The following ALLC variants were observed in gnomAD, a reference collection of about 807,000 sequenced individuals.
ALLC encodes probable inactive allantoicase.
Under a neutral mutation model 45.0 loss-of-function variants are expected in ALLC, and 40 were observed. That is an observed-to-expected ratio of 0.89 (90% CI 0.69 to 1.16). The LOEUF (loss-of-function observed/expected upper bound fraction) is 1.16. ALLC is among the 50% of genes most tolerant of loss of function. The pLI is 0.00. For synonymous variants in ALLC, 176 were observed against 178.1 expected, an observed-to-expected ratio of 0.99 and a Z score of 0.09; for missense variants, 488 against 493.1, an observed-to-expected ratio of 0.99 and a Z score of 0.10.
At chr2:3,694,723 G>T (rs1180137568) in intron 7 of ALLC, 1 of 152,116 alleles carries the variant, frequency 6.6e-6, no homozygotes, top group African/African-American at 2.4e-5. Flanking sequence ...GTTGTAAATA[G>T]CAAGACTTCC....
intron 1 of ALLC, among the ~76,000 whole-genome samples, chr2:3,659,222 G>GA: frequency 6.6e-6 from 1 of 152,016 alleles, no homozygotes; most frequent in East Asian, 1.9e-4. Flanking sequence ...TTGTCAGAGG[G>GA]AGGTCTCTCT....
intron 7 of ALLC, among the ~76,000 whole-genome samples, chr2:3,685,477 C>G (rs957492904): frequency 6.7e-6 from 1 of 150,336 alleles, no homozygotes; most frequent in African/African-American, 2.4e-5. Context: ...GACAGACAGA[C>G]AGAGAGAGAC....
chr2:3,691,156 A>G (rs1389908104), intron 7 of ALLC, among the ~76,000 whole-genome samples: 2 of 151,652 alleles, frequency 1.3e-5, no homozygotes, highest in Non-Finnish European at 2.9e-5. Flanking sequence ...TTTGGCCTGT[A>G]TGGTTATCAT....
At chr2:3,662,822 G>T (rs1008824055) in intron 1 of ALLC, among the ~76,000 whole-genome samples, 4 of 152,154 alleles carry the variant, frequency 2.6e-5, no homozygotes, top group African/African-American at 9.7e-5. Context: ...TGGAACACAG[G>T]TGCCTTCATT....
intron 1 of ALLC, among the ~76,000 whole-genome samples, chr2:3,663,672 A>G (rs1220426320): frequency 6.6e-6 from 1 of 152,196 alleles, no homozygotes; most frequent in Non-Finnish European, 1.5e-5. Context: ...ATGGTTTTGC[A>G]GTGTCATTGA....
chr2:3,680,065 C>T lies in ALLC; in HGVS notation c.298+71C>T. 6.3e-7 allele frequency: 1 copy of T among 1,591,496 alleles called. No individual in the cohort carries two copies. ...TGGCTCCTCTGGCCAGCCACAGCCCCACAACTGCTCACTTTCCCTACCACC... is the reference window on the plus strand; with the variant it reads ...TGGCTCCTCTGGCCAGCCACAGCCCTACAACTGCTCACTTTCCCTACCACC... On this transcript the variant is annotated intron_variant, in intron 5 of 11. Coordinates refer to ENST00000252505, the MANE Select transcript of ALLC (RefSeq NM_018436.4). This position sits in a 1 kb window ranked among gnomAD's most constrained non-coding sequence, Gnocchi z 4.0.
chr2:3,660,721 T>C (rs9750787), intron 1 of ALLC, among the ~76,000 whole-genome samples: 30,472 of 151,862 alleles, frequency 0.2, 3,683 homozygotes, highest in East Asian at 0.35. Flanking sequence ...AAACTAATTC[T>C]GATTGGCTGA....
At chr2:3,688,490 C>A in intron 7 of ALLC, 1 of 194,250 alleles carries the variant, frequency 5.1e-6, no homozygotes, top group South Asian at 7.7e-5. Flanking sequence ...CCAAAGTTGT[C>A]ATGGATGACC....
chr2:3,683,989 C>A (rs747572594), intron 7 of ALLC, among the ~76,000 whole-genome samples: 2 of 152,064 alleles, frequency 1.3e-5, no homozygotes, highest in East Asian at 3.8e-4. Context: ...TTTGTTTACC[C>A]GTTCATTAGT....
At chr2:3,687,301 G>C (rs1346483822) in intron 7 of ALLC, among the ~76,000 whole-genome samples, 1 of 151,006 alleles carries the variant, frequency 6.6e-6, no homozygotes, top group African/African-American at 2.4e-5. Flanking sequence ...CTTGATCATG[G>C]TGAGTGATCT....
At chr2:3,683,120 T>G (rs1378366680) in intron 7 of ALLC, 46 bp downstream of exon 7, 1 of 1,571,060 alleles carries the variant, frequency 6.4e-7, no homozygotes, top group Non-Finnish European at 8.6e-7. Flanking sequence ...CTTCTTTATT[T>G]TATGTTGACA....
intron 3 of ALLC, among the ~76,000 whole-genome samples, chr2:3,675,791 A>G (rs918140181): frequency 6.6e-6 from 1 of 152,168 alleles, no homozygotes; most frequent in Non-Finnish European, 1.5e-5. Context: ...CTGTTGTAGG[A>G]TGGGAAAATA....
At chr2:3,676,141 A>G (rs2148002483) in intron 3 of ALLC, among the ~76,000 whole-genome samples, 1 of 152,374 alleles carries the variant, frequency 6.6e-6, no homozygotes, top group South Asian at 2.1e-4. Flanking sequence ...TTGGTGGGGG[A>G]CAAACATTCA....
chr2:3,671,825 C>T (rs1204598931), intron 2 of ALLC, among the ~76,000 whole-genome samples: 2 of 107,478 alleles, frequency 1.9e-5, no homozygotes, highest in Non-Finnish European at 4.0e-5. Context: ...GGTCCTCTGG[C>T]TCTGGTTAGA....
At chr2:3,648,126 A>G in the ALLC span, among the ~76,000 whole-genome samples, 8 of 152,098 alleles carry the variant, frequency 5.3e-5, no homozygotes, top group Non-Finnish European at 1.0e-4. Flanking sequence ...TGTGCTAGTG[A>G]TGAGTCTGGG....
At chr2:3,651,442 T>G in the ALLC span, among the ~76,000 whole-genome samples, 12 of 25,598 alleles carry the variant, frequency 4.7e-4, 1 homozygote, top group Admixed American at 9.5e-4. Context: ...TGTGTGTGTG[T>G]TAGGAAGGGA....
At chr2:3,672,029 C>G (rs1666890166) in intron 2 of ALLC, among the ~76,000 whole-genome samples, 1 of 115,462 alleles carries the variant, frequency 8.7e-6, no homozygotes, top group Non-Finnish European at 1.8e-5. Context: ...CCGAGGTCCT[C>G]TGGCTCTAGT....
intron 7 of ALLC, among the ~76,000 whole-genome samples, chr2:3,690,686 CT>C (rs1667494149): frequency 6.6e-6 from 1 of 151,262 alleles, no homozygotes; most frequent in African/African-American, 2.4e-5. Flanking sequence ...AAAAAAAACT[CT>C]ACATTTTTAA....
In ALLC at chr2:3,670,966, G is replaced by A; in HGVS notation, c.-62-130G>A. 9.8e-6 allele frequency: 6 copies of A among 612,928 alleles called. No individual in the cohort carries two copies. The South Asian group carries it at 1.2e-4, about 12-fold the overall frequency. 38.0% of individuals were successfully genotyped at this position (612,928 alleles called of 1,614,324 possible). ...GAGCAGAGGGCACCTGTCAGGTACAGTTGACAGTACATCCAGTTCTGTCAC... is the reference window on the plus strand; with the variant it reads ...GAGCAGAGGGCACCTGTCAGGTACAATTGACAGTACATCCAGTTCTGTCAC... On this transcript the variant is annotated intron_variant, in intron 1 of 11. Coordinates refer to ENST00000252505, the MANE Select transcript of ALLC (RefSeq NM_018436.4).
Sources: allele counts gnomAD v4.1 joint callset (sites outside exome capture counted in the v4.1 genomes callset), GRCh38; gene constraint gnomAD v4.1.1; non-coding constraint Gnocchi (gnomAD v3.1); transcripts MANE v1.5; gene names NCBI Gene and HGNC (gene_info 2026-07-23, HGNC 2026-07-21).